The following KCNQ1OT1 variants were observed in gnomAD, a reference collection of about 807,000 sequenced individuals.
KCNQ1OT1 encodes KCNQ1 opposite strand/antisense transcript 1.
chr11:2,672,034 C>G, exon 1 of KCNQ1OT1: 1 of 398,656 alleles, frequency 2.5e-6, no homozygotes, highest in Non-Finnish European at 4.4e-6. Flanking sequence ...TACCCTGGCC[C>G]GGTCTGCACT....
chr11:2,637,363 G>A (rs1319314665), exon 1 of KCNQ1OT1: 1 of 152,230 alleles, frequency 6.6e-6, no homozygotes, highest in African/African-American at 2.4e-5. Context: ...ATGTGTCCCA[G>A]AGATTCTGGT....
chr11:2,629,806 C>T (rs1849323578), exon 1 of KCNQ1OT1: 1 of 397,868 alleles, frequency 2.5e-6, no homozygotes, highest in African/African-American at 2.1e-5. Flanking sequence ...TAGATTATTA[C>T]TTCTAACAGG....
rs1849590373 is a variant in KCNQ1OT1, at chr11:2,642,150, T to C, written n.57845A>G. Reference sequence around the variant, plus strand: ...AATTTTAGGATTTTTTCTATTTCCATGAAAAATGGCATTGGTATTTTGAGA... The same window carrying C: ...AATTTTAGGATTTTTTCTATTTCCACGAAAAATGGCATTGGTATTTTGAGA... On this transcript the variant is annotated non_coding_transcript_exon_variant, in exon 1 of 1. Coordinates refer to ENST00000597346, the Ensembl canonical transcript of KCNQ1OT1. The surrounding 1 kb of genome is among the most constrained non-coding windows in gnomAD (Gnocchi z 4.3). 2 of 398,366 alleles carry C rather than the reference T, an allele frequency of 5.0e-6. No homozygotes were observed. The highest frequency in any genetic ancestry group is 1.3e-4 in the South Asian group (1 of 7,864). The allele number at this position is 398,366 out of a possible 1,614,324, so 24.7% of individuals were successfully genotyped here.
exon 1 of KCNQ1OT1, chr11:2,662,688 G>T: frequency 2.5e-6 from 1 of 403,380 alleles, no homozygotes; most frequent in East Asian, 3.5e-5. Context: ...GTGCCCAGCG[G>T]TGACAGCCGT....
chr11:2,673,667 A>AG lies in KCNQ1OT1; in HGVS notation n.26327dup, dbSNP rs1850230926. 1 of 398,554 alleles carries AG rather than the reference A, an allele frequency of 2.5e-6. No individual in the cohort carries two copies. Among genetic ancestry groups the AG allele is most frequent in the African/African-American group, 2.1e-5 (1 of 48,612 alleles). 24.7% of individuals were successfully genotyped at this position (398,554 alleles called of 1,614,324 possible). ...CCTGACTCATGTCCCTTGTCTGCAT[A>AG]GGTGTTTTCCTATAAATGTTTAATT... On this transcript the variant is annotated non_coding_transcript_exon_variant, in exon 1 of 1. Coordinates refer to ENST00000597346, the Ensembl canonical transcript of KCNQ1OT1. This position sits in a 1 kb window ranked among gnomAD's most constrained non-coding sequence, Gnocchi z 4.5.
exon 1 of KCNQ1OT1, chr11:2,667,331 G>A: frequency 7.5e-6 from 3 of 398,628 alleles, no homozygotes; most frequent in Non-Finnish European, 8.8e-6. Context: ...AGAAAGCAGT[G>A]AGGCTTCTCA....
rs1306249575 is a variant in KCNQ1OT1, at chr11:2,620,969, GCTT to G, written n.79023_79025del. 2 of 381,052 alleles carry G rather than the reference GCTT, an allele frequency of 5.2e-6. No individual in the cohort carries two copies. Among genetic ancestry groups the G allele is most frequent in the African/African-American group, 2.2e-5 (1 of 45,334 alleles). 23.6% of individuals were successfully genotyped at this position (381,052 alleles called of 1,614,324 possible). ...TTTTGTTTTTTTTTGTCTGTTTTTTGCTTTTTTGTTTGTTTGTTTGTTTTTTGA... is the reference window on the plus strand; with the variant it reads ...TTTTGTTTTTTTTTGTCTGTTTTTTGTTTTGTTTGTTTGTTTGTTTTTTGA... On this transcript the variant is annotated non_coding_transcript_exon_variant, in exon 1 of 1. Coordinates refer to ENST00000597346, the Ensembl canonical transcript of KCNQ1OT1. The surrounding 1 kb of genome is among the most constrained non-coding windows in gnomAD (Gnocchi z 4.5).
exon 1 of KCNQ1OT1, chr11:2,699,843 C>T: frequency 2.5e-6 from 1 of 395,964 alleles, no homozygotes; most frequent in East Asian, 3.6e-5. Flanking sequence ...GAGGACCGCG[C>T]TGAGGGGCGC....
In KCNQ1OT1 at chr11:2,628,536, A is replaced by AT. The variant is rs1285258064; in HGVS notation, n.71458dup. On this transcript the variant is annotated non_coding_transcript_exon_variant, in exon 1 of 1. Coordinates refer to ENST00000597346, the Ensembl canonical transcript of KCNQ1OT1. ...TATATGAGTTCCTTATATATATTGG[A>AT]TATTAATAGCTTATCAGATATATGG... 1.0e-5 allele frequency: 4 copies of AT among 398,420 alleles called. No individual in the cohort carries two copies. In the East Asian group the frequency reaches 1.4e-4, roughly 14 times the overall value. The allele number at this position is 398,420 out of a possible 1,614,324, so 24.7% of individuals were successfully genotyped here.
chr11:2,667,083 GTTC>G, exon 1 of KCNQ1OT1: 1 of 398,616 alleles, frequency 2.5e-6, no homozygotes, highest in East Asian at 3.6e-5. Context: ...GGGATTAAAT[GTTC>G]TTCTAATTAA....
Position 2,690,741 on chromosome 11 carries a change from G to A in KCNQ1OT1, n.9254C>T, listed in dbSNP as rs1850574744. On this transcript the variant is annotated non_coding_transcript_exon_variant, in exon 1 of 1. Transcript: ENST00000597346. The surrounding 1 kb of genome is among the most constrained non-coding windows in gnomAD (Gnocchi z 5.1). ...ATCCCAGTGGTTGAAGATGGAGTAT[G>A]ATCCCAAATCCCTTAGGTGGATGTG... is the stretch of plus-strand genomic sequence containing the variant. 2.5e-6 allele frequency: 1 copy of A among 398,658 alleles called. No homozygotes were observed. The highest frequency in any genetic ancestry group is 4.4e-6 in the Non-Finnish European group (1 of 226,096). 24.7% of individuals were successfully genotyped at this position (398,658 alleles called of 1,614,324 possible). A position where few individuals can be genotyped will look rare whatever the true frequency, so the allele number is the denominator to read the frequency against.
rs187056749 is a variant in KCNQ1OT1 at position 2,659,956 on chromosome 11, G to A, written n.40039C>T. On this transcript the variant is annotated non_coding_transcript_exon_variant, in exon 1 of 1. Transcript: ENST00000597346. This position sits in a 1 kb window ranked among gnomAD's most constrained non-coding sequence, Gnocchi z 4.3. ...TGAGTGCAAGTCCTTGACCTGATAG[G>A]TGATATGCAAATATTCTTTCCAAGT... The A allele has an allele frequency of 1.0e-5, 4 of 398,388 alleles. No individual in the cohort carries two copies. Among genetic ancestry groups the A allele is most frequent in the Non-Finnish European group, 1.8e-5 (4 of 225,970 alleles). The allele number at this position is 398,388 out of a possible 1,614,324, so 24.7% of individuals were successfully genotyped here.
At position 2,674,458 on chromosome 11, in the gene KCNQ1OT1, G is replaced by C. The variant is rs1850255366; in HGVS notation, n.25537C>G. On this transcript the variant is annotated non_coding_transcript_exon_variant, in exon 1 of 1. Coordinates refer to ENST00000597346, the Ensembl canonical transcript of KCNQ1OT1. The surrounding 1 kb of genome is among the most constrained non-coding windows in gnomAD (Gnocchi z 5.9). The stretch of plus-strand genomic sequence containing the variant: ...AGGCTGGGGGGAGGCACGTGGGGAG[G>C]AGGGCTGCCTGTCGAGATGTGTAAG... 1 of 398,570 alleles carries C rather than the reference G, an allele frequency of 2.5e-6. No homozygotes were observed. Among genetic ancestry groups the C allele is most frequent in the African/African-American group, 2.1e-5 (1 of 48,628 alleles). The allele number at this position is 398,570 out of a possible 1,614,324, so 24.7% of individuals were successfully genotyped here.
rs942832716 is a variant in KCNQ1OT1, at chr11:2,687,758, G to A, written n.12237C>T. On this transcript the variant is annotated non_coding_transcript_exon_variant, in exon 1 of 1. Coordinates refer to ENST00000597346, the Ensembl canonical transcript of KCNQ1OT1. The surrounding 1 kb of genome is among the most constrained non-coding windows in gnomAD (Gnocchi z 5.0). ...CAAATCATGGGGAGACTGAGAAGAG[G>A]AGCCCCTTAGCAGGCCTAACCACAC... The A allele has an allele frequency of 1.0e-5, 4 of 398,582 alleles. No individual in the cohort carries two copies. The highest frequency in any genetic ancestry group is 4.1e-5 in the African/African-American group (2 of 48,630). The allele number at this position is 398,582 out of a possible 1,614,324, so 24.7% of individuals were successfully genotyped here.
Position 2,699,893 on chromosome 11 carries a change from G to A in KCNQ1OT1, n.102C>T, listed in dbSNP as rs1020380098. ...GCTGAGGAGCCCCGGGGAGGACCACGCTGAGAGGCACCCCGGCAGAATCGC... is the reference window on the plus strand; with the variant it reads ...GCTGAGGAGCCCCGGGGAGGACCACACTGAGAGGCACCCCGGCAGAATCGC... On this transcript the variant is annotated non_coding_transcript_exon_variant, in exon 1 of 1. Coordinates refer to ENST00000597346, the Ensembl canonical transcript of KCNQ1OT1. 18 of 398,128 alleles carry A rather than the reference G, an allele frequency of 4.5e-5. No homozygotes were observed. In the East Asian group the frequency reaches 4.6e-4, roughly 10 times the overall value. 24.7% of individuals were successfully genotyped at this position (398,128 alleles called of 1,614,324 possible).
In KCNQ1OT1 at chr11:2,621,842, C is replaced by CA. The variant is rs1849177434; in HGVS notation, n.78152_78153insT. The CA allele has an allele frequency of 5.0e-6, 2 of 398,224 alleles. No individual in the cohort carries two copies. The highest frequency in any genetic ancestry group is 8.9e-6 in the Non-Finnish European group (2 of 225,924). 24.7% of individuals were successfully genotyped at this position (398,224 alleles called of 1,614,324 possible). A position where few individuals can be genotyped will look rare whatever the true frequency, so the allele number is the denominator to read the frequency against. ...AAAATTGAAGTCTTAGTTTTACTGA[C>CA]TTTTTTCCCCTATGGTTTTTCTTTC... On this transcript the variant is annotated non_coding_transcript_exon_variant, in exon 1 of 1. Transcript: ENST00000597346. This position sits in a 1 kb window ranked among gnomAD's most constrained non-coding sequence, Gnocchi z 5.7.
chr11:2,640,793 G>T (rs530230822), exon 1 of KCNQ1OT1: 5 of 398,468 alleles, frequency 1.3e-5, no homozygotes, highest in African/African-American at 8.2e-5. Flanking sequence ...AACTAGCTGT[G>T]TATTTTTACC....
At chr11:2,660,176 GTTTTA>G (rs1849926430) in exon 1 of KCNQ1OT1, 1 of 397,882 alleles carries the variant, frequency 2.5e-6, no homozygotes, top group Non-Finnish European at 4.4e-6. Flanking sequence ...ATGGTTTTAT[GTTTTA>G]TTTTAGATTT....
exon 1 of KCNQ1OT1, chr11:2,672,332 T>C: frequency 2.5e-6 from 1 of 398,530 alleles, no homozygotes; most frequent in Admixed American, 4.4e-5. Flanking sequence ...CCTGGTGTGG[T>C]GGGTGCAGAA....
Sources: allele counts gnomAD v4.1 joint callset, GRCh38; gene constraint gnomAD v4.1.1; non-coding constraint Gnocchi (gnomAD v3.1); transcripts MANE v1.5; gene names NCBI Gene and HGNC (gene_info 2026-07-23, HGNC 2026-07-21).